The following ACVR1 variants were observed in gnomAD, a reference collection of about 807,000 sequenced individuals.
The protein encoded by ACVR1 is activin receptor type-1.
Under a neutral mutation model 57.1 loss-of-function variants are expected in ACVR1, and 38 were observed. The ratio of observed to expected loss-of-function variants is 0.67; its 90% confidence interval spans 0.51 to 0.87. ACVR1 has a LOEUF of 0.87. Among genes scored for constraint, ACVR1 ranks in the 40% least tolerant of loss-of-function variants. ACVR1 has a pLI of 0.00. For synonymous variants in ACVR1, 212 were observed against 228.1 expected (o/e 0.93, Z 0.63); for missense variants, 463 against 638.2 (o/e 0.73, Z 2.96).
intron 5 of ACVR1, among the ~76,000 whole-genome samples, chr2:157,774,987 C>T (rs1686225555): frequency 6.6e-6 from 1 of 152,106 alleles, no homozygotes; most frequent in Admixed American, 6.5e-5. Context: ...AGTTGCCATA[C>T]CAACTAAGGA....
chr2:157,801,324 G>A (rs865874772), intron 2 of ACVR1, among the ~76,000 whole-genome samples: 1 of 152,110 alleles, frequency 6.6e-6, no homozygotes, highest in South Asian at 2.1e-4. Flanking sequence ...CGTTCAAGTG[G>A]AATTACAGGT....
intron 1 of ACVR1, among the ~76,000 whole-genome samples, chr2:157,848,819 T>A (rs1373602853): frequency 6.6e-6 from 1 of 152,078 alleles, no homozygotes; most frequent in East Asian, 1.9e-4. Flanking sequence ...TCAAGGGAAT[T>A]ACATGATTGG....
chr2:157,810,910 T>G (rs1687730152), intron 2 of ACVR1, among the ~76,000 whole-genome samples: 1 of 152,074 alleles, frequency 6.6e-6, no homozygotes, highest in African/African-American at 2.4e-5. Context: ...TCTACGTCGT[T>G]TTAGTCTTAC....
At chr2:157,745,165 A>G (rs1002353182) in intron 9 of ACVR1, among the ~76,000 whole-genome samples, 1 of 152,226 alleles carries the variant, frequency 6.6e-6, no homozygotes, top group Non-Finnish European at 1.5e-5. Context: ...ATTACTGTGT[A>G]GTTGGACCCT....
intron 9 of ACVR1, among the ~76,000 whole-genome samples, chr2:157,743,539 CA>C (rs1684856048): frequency 6.6e-6 from 1 of 151,762 alleles, no homozygotes; most frequent in East Asian, 1.9e-4. Flanking sequence ...AATCCTTTTT[CA>C]AAACTCTCAA....
intron 2 of ACVR1, chr2:157,806,910 T>C (rs1286041528): frequency 3.3e-5 from 5 of 152,234 alleles, no homozygotes; most frequent in Non-Finnish European, 7.3e-5. Flanking sequence ...TATTAGCATG[T>C]AATTTGATCT....
intron 1 of ACVR1, among the ~76,000 whole-genome samples, chr2:157,873,552 G>C (rs949755349): frequency 3.9e-5 from 6 of 152,212 alleles, no homozygotes; most frequent in Non-Finnish European, 7.3e-5. Context: ...ACAAGCCACA[G>C]ACTACAGCTC....
intron 3 of ACVR1, chr2:157,790,066 CCTTTT>C (rs1670779480): frequency 6.6e-6 from 1 of 152,100 alleles, no homozygotes; most frequent in Non-Finnish European, 1.5e-5. Context: ...TTTTTTTCTT[CCTTTT>C]AAGTAGGGCC....
At chr2:157,834,927 A>G (rs975257318) in intron 1 of ACVR1, among the ~76,000 whole-genome samples, 10 of 152,160 alleles carry the variant, frequency 6.6e-5, no homozygotes, top group African/African-American at 2.4e-4. Flanking sequence ...GAAGATGCCA[A>G]CTATGACCTA....
intron 9 of ACVR1, among the ~76,000 whole-genome samples, chr2:157,759,366 A>C (rs1234928098): frequency 6.6e-6 from 1 of 152,042 alleles, no homozygotes; most frequent in African/African-American, 2.4e-5. Flanking sequence ...ACAAATTGGA[A>C]AACCTAGAGG....
rs775370136 is a variant in ACVR1, at chr2:157,760,895, G to A, written c.1249C>T (p.Arg417Trp). 2 of 1,613,898 alleles carry A rather than the reference G, an allele frequency of 1.2e-6. No homozygotes were observed. The highest frequency in any genetic ancestry group is 2.7e-5 in the African/African-American group (2 of 74,894). Residue 417 changes from arginine (R) to tryptophan (W), a missense_variant, in exon 9 of 11, where the codon CGG becomes TGG. Around this residue, in one of 3 missense-constraint regions of ACVR1, gnomAD observed 146 missense variants for 186.6 expected, o/e 0.78. Transcript: ENST00000434821. ...AGATACCTACCATTGCTCACCATCC[G>A]CCTGGCCACTTCCCACAAAACAAGT... ...FGLVLWEVAR[R>W]MVSNGIVEDY...
chr2:157,751,502 G>A (rs140309929), intron 9 of ACVR1, among the ~76,000 whole-genome samples: 5 of 152,356 alleles, frequency 3.3e-5, no homozygotes, highest in Non-Finnish European at 7.3e-5. Context: ...CGACAGGTGG[G>A]AAGGCGTGCA....
chr2:157,766,211 A>G lies in ACVR1; in HGVS notation c.791-15T>C. ...AGCAATGAAACCTGGAGAGAGCAAG[A>G]AAAAAATTAATATACATGAGGATTC... On this transcript the variant is annotated splice_polypyrimidine_tract_variant and intron_variant, in intron 7 of 10. Coordinates refer to ENST00000434821, the MANE Select transcript of ACVR1 (RefSeq NM_001111067.4). 1 of 1,613,376 alleles carries G rather than the reference A, an allele frequency of 6.2e-7. No homozygotes were observed. The highest frequency in any genetic ancestry group is 8.5e-7 in the Non-Finnish European group (1 of 1,179,496).
chr2:157,824,354 G>C (rs1290048076), intron 1 of ACVR1, among the ~76,000 whole-genome samples: 1 of 152,134 alleles, frequency 6.6e-6, no homozygotes, highest in African/African-American at 2.4e-5. Context: ...TGTAGTCCCA[G>C]CTACTCAGGA....
At chr2:157,821,428 G>A (rs1222997192) in intron 1 of ACVR1, among the ~76,000 whole-genome samples, 1 of 152,050 alleles carries the variant, frequency 6.6e-6, no homozygotes, top group Non-Finnish European at 1.5e-5. Context: ...GGGAGTCTGA[G>A]GCACGAGACT....
intron 1 of ACVR1, among the ~76,000 whole-genome samples, chr2:157,866,952 G>A (rs1186869965): frequency 1.3e-5 from 2 of 152,076 alleles, no homozygotes; most frequent in Non-Finnish European, 2.9e-5. Flanking sequence ...CCAATCACCA[G>A]TACAAATCCA....
At chr2:157,801,237 G>T (rs1264872312) in intron 2 of ACVR1, among the ~76,000 whole-genome samples, 1 of 152,178 alleles carries the variant, frequency 6.6e-6, no homozygotes, top group African/African-American at 2.4e-5. Flanking sequence ...CTTTCAGAAA[G>T]ACTAGGAGTT....
intron 1 of ACVR1, among the ~76,000 whole-genome samples, chr2:157,830,357 T>C (rs979188951): frequency 3.3e-5 from 5 of 152,078 alleles, no homozygotes; most frequent in East Asian, 3.9e-4. Flanking sequence ...ATAATGCTAA[T>C]GGAAAAAAGG....
intron 2 of ACVR1, among the ~76,000 whole-genome samples, chr2:157,800,556 C>T (rs2105307453): frequency 6.6e-6 from 1 of 152,186 alleles, no homozygotes; most frequent in Non-Finnish European, 1.5e-5. Flanking sequence ...TCTTACCACC[C>T]TTCACTTAAA....
Sources: gnomAD v4.1 joint callset for allele counts (sites outside exome capture counted in the v4.1 genomes callset) on GRCh38, gnomAD v4.1.1 for gene constraint, gnomAD v4.1.1 regional missense constraint, MANE v1.5 for transcripts, NCBI Gene and HGNC (gene_info 2026-07-23, HGNC 2026-07-21) for gene names.